IFT57: variants seen among roughly 807,000 people sequenced by gnomAD.
IFT57 encodes intraflagellar transport protein 57 homolog.
Under a neutral mutation model 56.8 loss-of-function variants are expected in IFT57, and 59 were observed. That is an observed-to-expected ratio of 1.04 (90% CI 0.84 to 1.29). The LOEUF (loss-of-function observed/expected upper bound fraction) is 1.29, where lower values mean the gene tolerates loss of function less well. Ranked by LOEUF, IFT57 falls within the 50% of genes most tolerant of loss-of-function variation. IFT57 has a pLI of 0.00. For missense variants in IFT57, 470 were observed against 522.1 expected, an observed-to-expected ratio of 0.90 and a Z score of 0.97; for synonymous variants, 209 against 186.1, an observed-to-expected ratio of 1.12 and a Z score of -1.00.
At chr3:108,203,612 C>T (rs1486825824) in intron 5 of IFT57, among the ~76,000 whole-genome samples, 2 of 152,022 alleles carry the variant, frequency 1.3e-5, no homozygotes, top group Non-Finnish European at 2.9e-5. Context: ...ACCATAAGTA[C>T]AAAAATAGCA....
At chr3:108,197,767 T>TA (rs2080251472) in intron 5 of IFT57, among the ~76,000 whole-genome samples, 1 of 152,118 alleles carries the variant, frequency 6.6e-6, no homozygotes, top group Admixed American at 6.6e-5. Flanking sequence ...GTGTAAATGT[T>TA]AAGAGGATGG....
In IFT57 at chr3:108,161,668, G is replaced by A. The variant is rs932336906; in HGVS notation, c.*809C>T. 1 of 152,054 alleles carries A rather than the reference G, an allele frequency of 6.6e-6. No individual in the cohort carries two copies. The highest frequency in any genetic ancestry group is 1.5e-5 in the Non-Finnish European group (1 of 68,024). 9.4% of individuals were successfully genotyped at this position (152,054 alleles called of 1,614,324 possible). On this transcript the variant is annotated 3_prime_UTR_variant, in exon 11 of 11. Coordinates refer to ENST00000264538, the MANE Select transcript of IFT57 (RefSeq NM_018010.4). ...AATCCTAGCCTAGAAAGTTGCTCAG[G>A]AAGATGCATAAGTAAAGATCATCAG...
intron 2 of IFT57, among the ~76,000 whole-genome samples, chr3:108,219,189 T>G (rs946233865): frequency 5.9e-5 from 9 of 152,064 alleles, no homozygotes; most frequent in African/African-American, 2.2e-4. Flanking sequence ...ATATCAAGAT[T>G]TTTTTAAAAA....
chr3:108,203,140 C>T (rs1477122412), intron 5 of IFT57, among the ~76,000 whole-genome samples: 4 of 152,226 alleles, frequency 2.6e-5, no homozygotes, highest in Non-Finnish European at 5.9e-5. Flanking sequence ...GGAGTATGCC[C>T]TTCCCAGGGC....
intron 9 of IFT57, among the ~76,000 whole-genome samples, chr3:108,165,216 G>A (rs536982349): frequency 6.6e-6 from 1 of 152,208 alleles, no homozygotes; most frequent in Non-Finnish European, 1.5e-5. Flanking sequence ...CAGGTTTTAT[G>A]TTGAATTTAA....
rs571382756 is a variant in IFT57, at chr3:108,190,233, T to C, written c.777+1288A>G. Among the ~76,000 whole-genome samples the C allele has an allele frequency of 2.6e-5, 4 of 152,256 alleles. No homozygotes were observed. The South Asian group carries it at 8.3e-4, about 32-fold the overall frequency. On this transcript the variant is annotated intron_variant, in intron 6 of 10. Coordinates refer to ENST00000264538, the MANE Select transcript of IFT57 (RefSeq NM_018010.4). Reference sequence around the variant, plus strand: ...GTTAATGCTGGAATGAGTTAAGACTTTGGGGGACTGTCAGGAAGGCATGAT... The same window carrying C: ...GTTAATGCTGGAATGAGTTAAGACTCTGGGGGACTGTCAGGAAGGCATGAT...
intron 6 of IFT57, among the ~76,000 whole-genome samples, chr3:108,180,163 AATTAC>A (rs1002544941): frequency 1.6e-4 from 25 of 152,148 alleles, no homozygotes; most frequent in African/African-American, 6.0e-4. Context: ...TTAGTGAAAT[AATTAC>A]ATTTCTAACA....
At chr3:108,167,138 G>A in intron 7 of IFT57, 153 bp from the exon 8 acceptor site, 1 of 611,828 alleles carries the variant, frequency 1.6e-6, no homozygotes, top group Non-Finnish European at 2.7e-6. Flanking sequence ...CAAAATATCT[G>A]TGATGAGAAA....
chr3:108,207,915 C>T (rs1398835630), intron 4 of IFT57, among the ~76,000 whole-genome samples: 2 of 152,104 alleles, frequency 1.3e-5, no homozygotes, highest in East Asian at 1.9e-4. Context: ...TGGTGGCGGG[C>T]GCCTGTAGTC....
chr3:108,167,151 T>C (rs1195975419), intron 7 of IFT57, 166 bp from the exon 8 acceptor site: 5 of 585,696 alleles, frequency 8.5e-6, no homozygotes, highest in African/African-American at 7.5e-5. Flanking sequence ...ATGAGAAATA[T>C]TTTAACCACA....
intron 5 of IFT57, among the ~76,000 whole-genome samples, chr3:108,202,185 C>T (rs186928165): frequency 6.6e-6 from 1 of 151,902 alleles, no homozygotes; most frequent in East Asian, 1.9e-4. Flanking sequence ...TTTTTCACTG[C>T]GGGAGGAGAA....
In IFT57 at chr3:108,167,023, C is replaced by G. The variant is rs757789667; in HGVS notation, c.850-38G>C. ...TGGAATTTGCAGATAGAAGAACTCA[C>G]AAACATATTTTTTCAAAAATATTAA... On this transcript the variant is annotated intron_variant, in intron 7 of 10. Transcript: ENST00000264538. The G allele has an allele frequency of 3.8e-6, 6 of 1,567,898 alleles. No individual in the cohort carries two copies. The East Asian group carries it at 1.4e-4, about 36-fold the overall frequency.
rs548908525 is a variant in IFT57, at chr3:108,161,162, C to G, written c.*1315G>C. Reference sequence around the variant, plus strand: ...TATTAGACTCCTCCCAAAGACCACACAGGAAAAGAGCAACTTCAGATTTTA... The same window carrying G: ...TATTAGACTCCTCCCAAAGACCACAGAGGAAAAGAGCAACTTCAGATTTTA... On this transcript the variant is annotated 3_prime_UTR_variant, in exon 11 of 11. Transcript: ENST00000264538. 1.3e-5 allele frequency: 2 copies of G among 151,862 alleles called. No individual in the cohort carries two copies. Among genetic ancestry groups the G allele is most frequent in the Non-Finnish European group, 2.9e-5 (2 of 67,982 alleles). 9.4% of individuals were successfully genotyped at this position (151,862 alleles called of 1,614,324 possible). A position where few individuals can be genotyped will look rare whatever the true frequency, so the allele number is the denominator to read the frequency against.
At chr3:108,183,308 C>T (rs879461630) in intron 6 of IFT57, among the ~76,000 whole-genome samples, 17 of 152,234 alleles carry the variant, frequency 1.1e-4, no homozygotes, top group Non-Finnish European at 2.2e-4. Context: ...CAACAGACAA[C>T]AGCCAGCTCA....
Position 108,162,246 on chromosome 3 carries a change from G to A in IFT57, c.*231C>T, listed in dbSNP as rs1347804947. 1 of 364,352 alleles carries A rather than the reference G, an allele frequency of 2.7e-6. No homozygotes were observed. The highest frequency in any genetic ancestry group is 4.5e-5 in the East Asian group (1 of 22,388). 22.6% of individuals were successfully genotyped at this position (364,352 alleles called of 1,614,324 possible). A position where few individuals can be genotyped will look rare whatever the true frequency, so the allele number is the denominator to read the frequency against. ...GCCACCAGGTGGGAGCTTTAACATA[G>A]GTAATGATTAGTGAAAGCTTCTTAG... On this transcript the variant is annotated 3_prime_UTR_variant, in exon 11 of 11. Transcript: ENST00000264538.
chr3:108,181,642 G>A (rs1194989310), intron 6 of IFT57, among the ~76,000 whole-genome samples: 3 of 152,004 alleles, frequency 2.0e-5, no homozygotes, highest in Non-Finnish European at 4.4e-5. Flanking sequence ...GGTGTTTCAA[G>A]GATAAATTTG....
chr3:108,183,693 A>C (rs2080164138), intron 6 of IFT57, among the ~76,000 whole-genome samples: 1 of 152,154 alleles, frequency 6.6e-6, no homozygotes, highest in Non-Finnish European at 1.5e-5. Context: ...GCTTTGAATA[A>C]ATAGCCTTTG....
At chr3:108,206,725 T>TA (rs1393826203) in intron 4 of IFT57, 29 bp from the exon 5 acceptor site, 1 of 733,008 alleles carries the variant, frequency 1.4e-6, no homozygotes, top group East Asian at 3.7e-5. Flanking sequence ...AAAAAATTAT[T>TA]AAAAATTATA....
chr3:108,207,164 ACATCT>A (rs1334885485), intron 4 of IFT57, among the ~76,000 whole-genome samples: 7 of 152,192 alleles, frequency 4.6e-5, no homozygotes, highest in Non-Finnish European at 7.4e-5. Flanking sequence ...CATATTTTTG[ACATCT>A]CATCTCTGGT....
Sources: allele counts gnomAD v4.1 joint callset (sites outside exome capture counted in the v4.1 genomes callset), GRCh38; gene constraint gnomAD v4.1.1; transcripts MANE v1.5; gene names NCBI Gene and HGNC (gene_info 2026-07-23, HGNC 2026-07-21).